CNTNAP4: variants seen among roughly 807,000 people sequenced by gnomAD.
CNTNAP4 encodes contactin-associated protein-like 4.
In CNTNAP4, 98 loss-of-function variants were observed where a neutral mutation model predicts 148.4. The ratio of observed to expected loss-of-function variants is 0.66; its 90% CI spans 0.56 to 0.78. CNTNAP4 has a LOEUF of 0.78. Among genes scored for constraint, CNTNAP4 ranks in the 30% least tolerant of loss-of-function variants. CNTNAP4 has a pLI of 0.00. For synonymous variants in CNTNAP4, 730 were observed against 565.1 expected, an observed-to-expected ratio of 1.29 and a Z score of -4.14; for missense variants, 1,935 against 1,565.6, an observed-to-expected ratio of 1.24 and a Z score of -3.98.
chr16:76,398,763 C>T (rs1202773720), intron 3 of CNTNAP4, among the ~76,000 whole-genome samples: 5 of 152,006 alleles, frequency 3.3e-5, no homozygotes, highest in Middle Eastern at 3.4e-3. Flanking sequence ...AAGTACAAAG[C>T]GATATATTTT....
intron 3 of CNTNAP4, among the ~76,000 whole-genome samples, chr16:76,400,287 C>G (rs147203124): frequency 6.6e-6 from 1 of 152,168 alleles, no homozygotes; most frequent in Non-Finnish European, 1.5e-5. Context: ...ACATATCCAT[C>G]ACCTCACATA....
chr16:76,311,290 G>A (rs1961077606), intron 1 of CNTNAP4, among the ~76,000 whole-genome samples: 1 of 152,044 alleles, frequency 6.6e-6, no homozygotes, highest in South Asian at 2.1e-4. Context: ...TAGTGAAGGA[G>A]GCTATTGAGT....
rs539315609 is a variant in CNTNAP4 at position 76,413,219 on chromosome 16, T to A, written c.391-14233T>A. ...CTTAGTCATTCTTTCTGTTTGTTTGTACCCGTTAACCATCCCCACCTCCCT... is the reference window on the plus strand; with the variant it reads ...CTTAGTCATTCTTTCTGTTTGTTTGAACCCGTTAACCATCCCCACCTCCCT... On this transcript the variant is annotated intron_variant, in intron 3 of 23. Transcript: ENST00000611870. 8.6e-5 allele frequency among the ~76,000 whole-genome samples: 13 copies of A among 151,454 alleles called. No individual in the cohort carries two copies. In the South Asian group the frequency reaches 2.7e-3, roughly 31 times the overall value.
chr16:76,456,958 A>G (rs1193216590), intron 8 of CNTNAP4, among the ~76,000 whole-genome samples: 4 of 152,160 alleles, frequency 2.6e-5, no homozygotes, highest in Non-Finnish European at 5.9e-5. Flanking sequence ...ATTAAATGAT[A>G]CTATGCATAG....
chr16:76,532,947 A>C (rs1339888582), intron 17 of CNTNAP4, among the ~76,000 whole-genome samples: 2 of 152,100 alleles, frequency 1.3e-5, no homozygotes. Flanking sequence ...AAAAAACTAC[A>C]AATAGAACTA....
chr16:76,341,354 CAAGCTGATAAACAGTGAAATTATTTTTT>C (rs1340151571), intron 2 of CNTNAP4, among the ~76,000 whole-genome samples: 1 of 152,072 alleles, frequency 6.6e-6, no homozygotes, highest in East Asian at 1.9e-4. Flanking sequence ...CACCCAGTGA[CAAGCTGATAAACAGTGAAATTATTTTTT>C]AATTGAGTTG....
rs145187679 is a variant in CNTNAP4 at position 76,424,392 on chromosome 16, A to T, written c.391-3060A>T. The stretch of plus-strand genomic sequence containing the variant: ...AGTGGCACCTAGGAAATAGAATCAA[A>T]AGTATAAGAAGATCTAAGATCCTCA... On this transcript the variant is annotated intron_variant, in intron 3 of 23. Transcript: ENST00000611870. Among the ~76,000 whole-genome samples the T allele has an allele frequency of 1.1e-3, 174 of 152,284 alleles. 2 individuals are homozygous for T. The East Asian group carries it at 0.026, about 23-fold the overall frequency.
At chr16:76,324,144 A>G (rs1332018918) in intron 2 of CNTNAP4, among the ~76,000 whole-genome samples, 4 of 152,196 alleles carry the variant, frequency 2.6e-5, no homozygotes, top group Admixed American at 2.6e-4. Context: ...TTCCTCAAAC[A>G]AGATGACACA....
intron 1 of CNTNAP4, among the ~76,000 whole-genome samples, chr16:76,299,164 A>T (rs978795741): frequency 4.6e-5 from 7 of 152,204 alleles, no homozygotes; most frequent in African/African-American, 1.7e-4. Flanking sequence ...TAATTAAACT[A>T]AAGAGCTTCT....
Position 76,522,716 on chromosome 16 carries a change from CTT to C in CNTNAP4, c.2755+462_2755+463del, listed in dbSNP as rs1568497750. Among the ~76,000 whole-genome samples the C allele has an allele frequency of 1.5e-3, 45 of 29,692 alleles. 2 individuals carry two copies. The highest frequency in any genetic ancestry group is 5.4e-3 in the Admixed American group (12 of 2,220). The allele number at this position is 29,692 out of a possible 152,430, so 19.5% of individuals were successfully genotyped here. A position where few individuals can be genotyped will look rare whatever the true frequency, so the allele number is the denominator to read the frequency against. ...CTTTTCTTTTCTTTTCTTTTCTTTT[CTT>C]TTCTTTTCTTTTCTTTTCTTTTCTT... On this transcript the variant is annotated intron_variant, in intron 17 of 23. Transcript: ENST00000611870.
chr16:76,342,986 G>A (rs958403525), intron 2 of CNTNAP4, among the ~76,000 whole-genome samples: 1 of 152,068 alleles, frequency 6.6e-6, no homozygotes, highest in South Asian at 2.1e-4. Context: ...GGGATGCCGT[G>A]TTTCAGCTGC....
intron 15 of CNTNAP4, among the ~76,000 whole-genome samples, chr16:76,511,232 A>G (rs2083014057): frequency 6.6e-6 from 1 of 152,092 alleles, no homozygotes; most frequent in South Asian, 2.1e-4. Context: ...TTTATGTTTA[A>G]TCAAAGCACC....
Position 76,309,877 on chromosome 16 carries a change from A to T in CNTNAP4, c.86-6536A>T, listed in dbSNP as rs975659762. On this transcript the variant is annotated intron_variant, in intron 1 of 23. Coordinates refer to ENST00000611870, the MANE Select transcript of CNTNAP4 (RefSeq NM_033401.5). ...CTCATTTTCTCTTGCAGCCGCCATG[A>T]TTCTGAGGCCTTCCCAGCTATGTGG... The T allele has an allele frequency of 6.1e-5, 43 of 701,512 alleles. No homozygotes were observed. The Middle Eastern group carries it at 7.7e-4, about 13-fold the overall frequency. The allele number at this position is 701,512 out of a possible 1,614,324, so 43.5% of individuals were successfully genotyped here. A position where few individuals can be genotyped will look rare whatever the true frequency, so the allele number is the denominator to read the frequency against.
intron 17 of CNTNAP4, among the ~76,000 whole-genome samples, chr16:76,530,568 G>A (rs868158070): frequency 3.9e-5 from 6 of 152,174 alleles, no homozygotes; most frequent in Non-Finnish European, 7.3e-5. Context: ...TCTGGCTTCA[G>A]TGTGTGCGAA....
At chr16:76,374,393 T>C (rs1322833135) in intron 3 of CNTNAP4, among the ~76,000 whole-genome samples, 1 of 152,212 alleles carries the variant, frequency 6.6e-6, no homozygotes. Flanking sequence ...CTTTGTACTC[T>C]ACCCTGAAAT....
chr16:76,549,009 C>G (rs1361207617), intron 21 of CNTNAP4, among the ~76,000 whole-genome samples: 1 of 152,102 alleles, frequency 6.6e-6, no homozygotes, highest in African/African-American at 2.4e-5. Context: ...CCCTCCACTT[C>G]CGATTCGAAT....
intron 8 of CNTNAP4, among the ~76,000 whole-genome samples, chr16:76,457,551 G>A (rs2080781924): frequency 1.3e-5 from 2 of 152,140 alleles, no homozygotes. Flanking sequence ...ATGGACAGTA[G>A]GCCTCCCCAA....
chr16:76,290,511 CCT>C (rs2143823985), intron 1 of CNTNAP4, among the ~76,000 whole-genome samples: 1 of 152,268 alleles, frequency 6.6e-6, no homozygotes, highest in Admixed American at 6.5e-5. Flanking sequence ...AACGTTTTCT[CCT>C]CTGAGTGTAC....
intron 11 of CNTNAP4, among the ~76,000 whole-genome samples, 178 bp from the exon 12 acceptor site, chr16:76,479,241 A>C (rs1285530991): frequency 3.3e-5 from 5 of 152,118 alleles, no homozygotes. Context: ...CTATCAAATC[A>C]CTTTCATCCA....
Sources: gnomAD v4.1 joint callset for allele counts (sites outside exome capture counted in the v4.1 genomes callset) on GRCh38, gnomAD v4.1.1 for gene constraint, MANE v1.5 for transcripts, NCBI Gene and HGNC (gene_info 2026-07-23, HGNC 2026-07-21) for gene names.